Variants in RBM24 observed in about 807,000 individuals in gnomAD.
The protein encoded by RBM24 is RNA-binding protein 24.
Under a neutral mutation model 23.6 loss-of-function variants are expected in RBM24, and 5 were observed. The ratio of observed to expected loss-of-function variants is 0.21; its 90% confidence interval spans 0.11 to 0.45. The LOEUF (loss-of-function observed/expected upper bound fraction) is 0.45. Among genes scored for constraint, RBM24 ranks in the 20% least tolerant of loss-of-function variants. The probability of loss-of-function intolerance (pLI) is 0.99; values close to 1 mark genes in which losing one functional copy is unlikely to be tolerated. For synonymous variants in RBM24, 151 were observed against 129.5 expected (o/e 1.17, Z -1.13); for missense variants, 252 against 314.6 (o/e 0.80, Z 1.51).
chr6:17,285,608 TA>T (rs1176102263), intron 3 of RBM24, among the ~76,000 whole-genome samples: 1 of 152,248 alleles, frequency 6.6e-6, no homozygotes, highest in Admixed American at 6.5e-5. Flanking sequence ...TATCCACTTT[TA>T]GGCCATCTAA....
Position 17,292,412 on chromosome 6 carries a change from C to T in RBM24, c.*293C>T, listed in dbSNP as rs139419886. ...TAACAACGGAACTTCACTTTTGTAACGGGATTTTTATTTTTGCTCTTTTTA... is the reference window on the plus strand; with the variant it reads ...TAACAACGGAACTTCACTTTTGTAATGGGATTTTTATTTTTGCTCTTTTTA... On this transcript the variant is annotated 3_prime_UTR_variant, in exon 4 of 4. Coordinates refer to ENST00000379052, the MANE Select transcript of RBM24 (RefSeq NM_001143942.2). 1.9e-4 allele frequency: 41 copies of T among 219,360 alleles called. No individual in the cohort carries two copies. The Middle Eastern group carries it at 6.2e-3, about 33-fold the overall frequency. 13.6% of individuals were successfully genotyped at this position (219,360 alleles called of 1,614,324 possible). A position where few individuals can be genotyped will look rare whatever the true frequency, so the allele number is the denominator to read the frequency against.
intron 3 of RBM24, among the ~76,000 whole-genome samples, chr6:17,286,990 T>G (rs144256093): frequency 5.3e-4 from 81 of 152,364 alleles, no homozygotes; most frequent in African/African-American, 1.8e-3. Context: ...TAGCAACCTT[T>G]TGTTTTTCAC....
rs1360593697 is a variant in RBM24, at chr6:17,292,052, C to T, written c.644C>T (p.Ala215Val). 1 of 1,594,172 alleles carries T rather than the reference C, an allele frequency of 6.3e-7. No homozygotes were observed. The highest frequency in any genetic ancestry group is 1.1e-5 in the South Asian group (1 of 90,436). ...APGTAAAAAAAAAAAAAFGQY... is the reference protein window; with the variant it reads ...APGTAAAAAAVAAAAAAFGQY... ...GGGACAGCTGCCGCCGCCGCTGCAG[C>T]AGCTGCTGCCGCTGCAGCATTTGGC... is the stretch of plus-strand genomic sequence containing the variant. The change falls in exon 4 of 4, where the codon GCA becomes GTA. Residue 215 changes from alanine (A) to valine (V), a missense_variant. Coordinates refer to ENST00000379052, the MANE Select transcript of RBM24 (RefSeq NM_001143942.2).
At chr6:17,282,495 A>G (rs1465461944) in intron 1 of RBM24, 5 of 476,870 alleles carry the variant, frequency 1.0e-5, no homozygotes, top group South Asian at 5.6e-5. Context: ...TAGAGTTCCA[A>G]GAATTTAGGC....
chr6:17,287,324 C>T (rs1760225344), intron 3 of RBM24, among the ~76,000 whole-genome samples: 1 of 152,128 alleles, frequency 6.6e-6, no homozygotes, highest in African/African-American at 2.4e-5. Context: ...CTTAAATGGC[C>T]CCCAGGTGAC....
chr6:17,289,789 C>T, intron 3 of RBM24: 2 of 1,059,686 alleles, frequency 1.9e-6, no homozygotes, highest in Non-Finnish European at 2.3e-6. Context: ...AATAGCCCGG[C>T]TGCAGCCCCT....
chr6:17,288,448 C>G (rs1477244029), intron 3 of RBM24: 4 of 983,772 alleles, frequency 4.1e-6, no homozygotes, highest in Non-Finnish European at 4.8e-6. Flanking sequence ...TGTAGACTCT[C>G]TCCACAGATA....
chr6:17,293,336 T>C lies in RBM24; in HGVS notation c.*1217T>C, dbSNP rs992274544. 2.6e-5 allele frequency: 4 copies of C among 152,672 alleles called. No homozygotes were observed. The highest frequency in any genetic ancestry group is 9.6e-5 in the African/African-American group (4 of 41,474). The allele number at this position is 152,672 out of a possible 1,614,324, so 9.5% of individuals were successfully genotyped here. A position where few individuals can be genotyped will look rare whatever the true frequency, so the allele number is the denominator to read the frequency against. The stretch of plus-strand genomic sequence containing the variant: ...ATAAATTATTTAGTAAGTCTAGATG[T>C]AGCGTATTAAATATTAACCTATTCA... On this transcript the variant is annotated 3_prime_UTR_variant, in exon 4 of 4. Transcript: ENST00000379052.
At position 17,281,839 on chromosome 6, in the gene RBM24, C is replaced by T; in HGVS notation, c.168+90C>T. 2 of 1,476,562 alleles carry T rather than the reference C, an allele frequency of 1.4e-6. No homozygotes were observed. Among genetic ancestry groups the T allele is most frequent in the Non-Finnish European group, 1.8e-6 (2 of 1,090,020 alleles). The allele number at this position is 1,476,562 out of a possible 1,614,324, so 91.5% of individuals were successfully genotyped here. On this transcript the variant is annotated intron_variant, in intron 1 of 3. Coordinates refer to ENST00000379052, the MANE Select transcript of RBM24 (RefSeq NM_001143942.2). The surrounding 1 kb of genome is among the most constrained non-coding windows in gnomAD (Gnocchi z 7.1). Reference sequence around the variant, plus strand: ...GCTTGGAGTGAGGGGCTCGGCGTGACCCGTGAGGAGCCCCGCGGGTAGAGC... The same window carrying T: ...GCTTGGAGTGAGGGGCTCGGCGTGATCCGTGAGGAGCCCCGCGGGTAGAGC...
intron 3 of RBM24, among the ~76,000 whole-genome samples, chr6:17,287,819 A>C (rs1425061487): frequency 2.0e-5 from 3 of 151,796 alleles, no homozygotes; most frequent in Non-Finnish European, 4.4e-5. Flanking sequence ...AAAAAAAAAA[A>C]CCAAAAAACA....
rs1486699265 is a variant in RBM24, at chr6:17,288,543, C to G, written c.348-3213C>G. 6.1e-6 allele frequency: 6 copies of G among 985,190 alleles called. No homozygotes were observed. The African/African-American group carries it at 1.0e-4, about 17-fold the overall frequency. The allele number at this position is 985,190 out of a possible 1,614,324, so 61.0% of individuals were successfully genotyped here. ...AAAATAGGAGGCTATGTTAAGACAA[C>G]AAAGCATAAAAAAAGAAACATATGA... On this transcript the variant is annotated intron_variant, in intron 3 of 3. Coordinates refer to ENST00000379052, the MANE Select transcript of RBM24 (RefSeq NM_001143942.2).
chr6:17,290,722 A>C (rs1760332833), intron 3 of RBM24: 1 of 537,772 alleles, frequency 1.9e-6, no homozygotes, highest in Admixed American at 3.0e-5. Context: ...GTGCAAAAAA[A>C]GTTTCCTTGT....
At chr6:17,291,021 C>T (rs938032961) in intron 3 of RBM24, 1 of 525,256 alleles carries the variant, frequency 1.9e-6, no homozygotes, top group Non-Finnish European at 3.4e-6. Flanking sequence ...TGTAGCTTCC[C>T]ACGACAGCCT....
chr6:17,281,817 T>G lies in RBM24; in HGVS notation c.168+68T>G, dbSNP rs1760024330. On this transcript the variant is annotated intron_variant, in intron 1 of 3. Coordinates refer to ENST00000379052, the MANE Select transcript of RBM24 (RefSeq NM_001143942.2). The surrounding 1 kb of genome is among the most constrained non-coding windows in gnomAD (Gnocchi z 7.1). Reference sequence around the variant, plus strand: ...CGGCTGACCCCGGGGATCGGGAGCTTGGAGTGAGGGGCTCGGCGTGACCCG... The same window carrying G: ...CGGCTGACCCCGGGGATCGGGAGCTGGGAGTGAGGGGCTCGGCGTGACCCG... 6.6e-7 allele frequency: 1 copy of G among 1,523,412 alleles called. No individual in the cohort carries two copies. The highest frequency in any genetic ancestry group is 8.9e-7 in the Non-Finnish European group (1 of 1,127,066). 94.4% of individuals were successfully genotyped at this position (1,523,412 alleles called of 1,614,324 possible).
intron 3 of RBM24, chr6:17,288,874 G>A: frequency 1.0e-6 from 1 of 985,432 alleles, no homozygotes; most frequent in Non-Finnish European, 1.2e-6. Context: ...ACTGAGTTTG[G>A]TTTTTTAGGG....
intron 3 of RBM24, chr6:17,291,032 C>T (rs1004225548): frequency 6.1e-6 from 3 of 492,076 alleles, no homozygotes; most frequent in Admixed American, 2.4e-5. Flanking sequence ...ACGACAGCCT[C>T]TTGTGACAGA....
chr6:17,284,621 T>A (rs1174476954), intron 2 of RBM24, 36 bp from the exon 3 acceptor site: 1 of 1,541,494 alleles, frequency 6.5e-7, no homozygotes, highest in Admixed American at 1.7e-5. Flanking sequence ...TGCCTAACCA[T>A]GCACAAATAA....
intron 3 of RBM24, among the ~76,000 whole-genome samples, chr6:17,286,612 A>G (rs1381504666): frequency 6.6e-6 from 1 of 152,238 alleles, no homozygotes; most frequent in Non-Finnish European, 1.5e-5. Flanking sequence ...TATTGTTTCA[A>G]GTACAAAAGG....
intron 2 of RBM24, 139 bp from the exon 3 acceptor site, chr6:17,284,518 T>C: frequency 3.7e-6 from 2 of 536,620 alleles, no homozygotes; most frequent in Non-Finnish European, 6.5e-6. Flanking sequence ...CTTTAAAAAA[T>C]ATACATACAT....
Sources: allele counts gnomAD v4.1 joint callset (sites outside exome capture counted in the v4.1 genomes callset), GRCh38; gene constraint gnomAD v4.1.1; non-coding constraint Gnocchi (gnomAD v3.1); transcripts MANE v1.5; gene names NCBI Gene and HGNC (gene_info 2026-07-23, HGNC 2026-07-21).